Variants in IDO2 observed in about 807,000 individuals in gnomAD.
The protein encoded by IDO2 is indoleamine 2,3-dioxygenase 2, also known as indoleamine 2,3-dioxygenase-like 1 protein.
Under a neutral mutation model 45.1 loss-of-function variants are expected in IDO2, and 46 were observed. The observed-to-expected ratio is 1.02, with a 90% confidence interval of 0.80 to 1.30. The LOEUF (loss-of-function observed/expected upper bound fraction) is 1.30, where lower values mean the gene tolerates loss of function less well. Among genes scored for constraint, IDO2 ranks in the 50% most tolerant of loss-of-function variants. The probability of loss-of-function intolerance (pLI) is 0.00; values close to 1 mark genes in which losing one functional copy is unlikely to be tolerated. For synonymous variants in IDO2, 218 were observed against 184.9 expected (o/e 1.18, Z -1.45); for missense variants, 544 against 491.8 (o/e 1.11, Z -1.00).
At chr8:39,982,528 A>G in intron 4 of IDO2, 124 bp from the exon 5 acceptor site, 1 of 639,574 alleles carries the variant, frequency 1.6e-6, no homozygotes, top group Non-Finnish European at 2.7e-6. Flanking sequence ...CACTCAGGTA[A>G]TTCAAGCTTG....
intron 6 of IDO2, chr8:39,987,565 C>T (rs1225371440): frequency 2.4e-5 from 6 of 246,058 alleles, no homozygotes; most frequent in Non-Finnish European, 4.0e-5. Flanking sequence ...GAATCAGCTA[C>T]ATCTCTTACT....
intron 10 of IDO2, among the ~76,000 whole-genome samples, chr8:40,014,376 A>G (rs1802355020): frequency 6.6e-6 from 1 of 152,182 alleles, no homozygotes; most frequent in Non-Finnish European, 1.5e-5. Context: ...ACCATGCATA[A>G]TATTAAACCC....
chr8:40,013,042 T>C (rs1486454918), intron 9 of IDO2, among the ~76,000 whole-genome samples: 2 of 152,158 alleles, frequency 1.3e-5, no homozygotes, highest in African/African-American at 2.4e-5. Flanking sequence ...TTCTTAACAA[T>C]TATCACTGTT....
intron 2 of IDO2, among the ~76,000 whole-genome samples, chr8:39,955,482 C>T (rs980087122): frequency 1.3e-5 from 2 of 151,966 alleles, no homozygotes; most frequent in African/African-American, 4.8e-5. Flanking sequence ...TCTCGAACTT[C>T]TGACCTCAGG....
At chr8:39,958,933 G>A (rs1166399467) in intron 2 of IDO2, among the ~76,000 whole-genome samples, 1 of 152,122 alleles carries the variant, frequency 6.6e-6, no homozygotes, top group African/African-American at 2.4e-5. Flanking sequence ...TCCAAAGAAT[G>A]ATCCAGAAAC....
chr8:39,946,674 A>T (rs1475613392), intron 1 of IDO2, among the ~76,000 whole-genome samples: 1 of 152,174 alleles, frequency 6.6e-6, no homozygotes, highest in Non-Finnish European at 1.5e-5. Context: ...GATTTGAATC[A>T]TAATAAAACT....
At chr8:39,949,762 T>C (rs4737171) in intron 2 of IDO2, among the ~76,000 whole-genome samples, 141,373 of 152,192 alleles carry the variant, frequency 0.93, 65,706 homozygotes, top group East Asian at 0.97. Context: ...GGATCACTAT[T>C]GCGACATTTT....
At chr8:39,963,832 T>A in intron 3 of IDO2, 129 bp downstream of exon 3, 1 of 570,212 alleles carries the variant, frequency 1.8e-6, no homozygotes, top group Non-Finnish European at 3.1e-6. Context: ...TCAGCAAAGC[T>A]ATATCTTCCT....
intron 5 of IDO2, 135 bp from the exon 6 acceptor site, chr8:39,985,373 C>T (rs563308221): frequency 3.0e-5 from 21 of 710,938 alleles, no homozygotes; most frequent in Non-Finnish European, 5.1e-5. Context: ...TGTGTGCCTG[C>T]AGTGCCTTGC....
At chr8:39,973,293 A>G (rs1323302729) in intron 3 of IDO2, among the ~76,000 whole-genome samples, 1 of 152,198 alleles carries the variant, frequency 6.6e-6, no homozygotes, top group Admixed American at 6.5e-5. Context: ...AATGAGTTAT[A>G]TGTATTTATA....
rs79075443 is a variant in IDO2 at position 40,008,171 on chromosome 8, C to T, written c.719+2793C>T. Among the ~76,000 whole-genome samples, 191 of 151,970 alleles carry T rather than the reference C, an allele frequency of 1.3e-3. No individual in the cohort carries two copies. In the East Asian group the frequency reaches 0.027, roughly 22 times the overall value. On this transcript the variant is annotated intron_variant, in intron 9 of 10. Coordinates refer to ENST00000502986, the Ensembl canonical transcript of IDO2. The stretch of plus-strand genomic sequence containing the variant: ...AAGTGATTCTCCTGCCTCAGCCTCC[C>T]GAGTAGCTGGGATTACAGGCACCCG...
Position 40,013,552 on chromosome 8 carries a change from T to C in IDO2, c.720-13T>C, listed in dbSNP as rs1242708930. 6.2e-7 allele frequency: 1 copy of C among 1,609,034 alleles called. No homozygotes were observed. On this transcript the variant is annotated splice_polypyrimidine_tract_variant and intron_variant, in intron 9 of 10. Transcript: ENST00000502986. ...TGCACCCCTTTCATCTCTCTCACTT[T>C]TCTCTTGCTTAGATGGAAAGACAAC...
chr8:39,985,388 A>T, intron 5 of IDO2, 120 bp from the exon 6 acceptor site: 1 of 821,432 alleles, frequency 1.2e-6, no homozygotes. Flanking sequence ...CCTTGCACAC[A>T]AGTGTGCATG....
At chr8:39,985,078 C>T in intron 5 of IDO2, 1 of 308,254 alleles carries the variant, frequency 3.2e-6, no homozygotes, top group Non-Finnish European at 6.2e-6. Context: ...ATTGCAGGCA[C>T]CTACCACCAC....
intron 8 of IDO2, among the ~76,000 whole-genome samples, chr8:40,005,078 T>G (rs2129595339): frequency 6.6e-6 from 1 of 152,320 alleles, no homozygotes; most frequent in South Asian, 2.1e-4. Flanking sequence ...GTTGTTATTA[T>G]TAAGTACAGA....
At chr8:39,983,723 G>A (rs1400996029) in intron 5 of IDO2, among the ~76,000 whole-genome samples, 2 of 152,032 alleles carry the variant, frequency 1.3e-5, no homozygotes, top group Admixed American at 6.6e-5. Context: ...AAAATTAGCC[G>A]GGCATGGTGG....
chr8:39,992,175 T>C (rs979248435), intron 8 of IDO2, among the ~76,000 whole-genome samples: 4 of 152,124 alleles, frequency 2.6e-5, no homozygotes, highest in Non-Finnish European at 5.9e-5. Flanking sequence ...CTACTTGTGA[T>C]GTACGTGTTG....
chr8:40,010,688 G>A (rs975183592), intron 9 of IDO2, among the ~76,000 whole-genome samples: 1 of 152,124 alleles, frequency 6.6e-6, no homozygotes, highest in Non-Finnish European at 1.5e-5. Context: ...TAATTTGCAG[G>A]TTTTGGGGTC....
At chr8:39,968,779 A>G (rs1309040037) in intron 3 of IDO2, among the ~76,000 whole-genome samples, 1 of 151,894 alleles carries the variant, frequency 6.6e-6, no homozygotes, top group Non-Finnish European at 1.5e-5. Flanking sequence ...TAAAACCTAG[A>G]TGATGGGTTG....
Sources: gnomAD v4.1 joint callset for allele counts (sites outside exome capture counted in the v4.1 genomes callset) on GRCh38, gnomAD v4.1.1 for gene constraint, MANE v1.5 for transcripts, NCBI Gene and HGNC (gene_info 2026-07-23, HGNC 2026-07-21) for gene names.